The following PPP1R9A variants were observed in gnomAD, a reference collection of about 807,000 sequenced individuals.
PPP1R9A encodes protein phosphatase 1 regulatory subunit 9A.
In PPP1R9A, 59 loss-of-function variants were observed where a neutral mutation model predicts 141.9. That is an observed-to-expected ratio of 0.42 (90% CI 0.34 to 0.52). The LOEUF (loss-of-function observed/expected upper bound fraction) is 0.52. PPP1R9A is among the 20% of genes least tolerant of loss of function. The probability of loss-of-function intolerance (pLI) is 0.10; values close to 1 mark genes in which losing one functional copy is unlikely to be tolerated. For synonymous variants in PPP1R9A, 500 were observed against 569.7 expected, an observed-to-expected ratio of 0.88 and a Z score of 1.74; for missense variants, 1,444 against 1,611.9, an observed-to-expected ratio of 0.90 and a Z score of 1.78.
At chr7:94,944,503 T>G (rs1188481077) in intron 2 of PPP1R9A, among the ~76,000 whole-genome samples, 1 of 130,436 alleles carries the variant, frequency 7.7e-6, no homozygotes, top group Non-Finnish European at 1.5e-5. Flanking sequence ...GGGAAGTGAG[T>G]CATCGTTCTT....
intron 4 of PPP1R9A, among the ~76,000 whole-genome samples, chr7:95,144,181 G>A (rs1003701473): frequency 6.6e-6 from 1 of 151,882 alleles, no homozygotes; most frequent in African/African-American, 2.4e-5. Flanking sequence ...CTGATAACCA[G>A]CCTTCTACTC....
intron 4 of PPP1R9A, among the ~76,000 whole-genome samples, chr7:95,150,627 C>T (rs946941640): frequency 1.3e-5 from 2 of 152,092 alleles, no homozygotes; most frequent in Non-Finnish European, 2.9e-5. Flanking sequence ...GAAACAACAC[C>T]AAAGGCATAA....
intron 4 of PPP1R9A, among the ~76,000 whole-genome samples, chr7:95,134,591 A>G (rs1294851794): frequency 1.3e-5 from 2 of 152,040 alleles, no homozygotes; most frequent in African/African-American, 2.4e-5. Context: ...ATGTACCACT[A>G]CGCCCAGCTA....
At chr7:94,970,110 A>G (rs1174752166) in intron 2 of PPP1R9A, among the ~76,000 whole-genome samples, 1 of 152,150 alleles carries the variant, frequency 6.6e-6, no homozygotes, top group Non-Finnish European at 1.5e-5. Context: ...CCACTGAGCT[A>G]GACTGCTTGG....
At chr7:95,010,951 A>G (rs1223481780) in intron 2 of PPP1R9A, among the ~76,000 whole-genome samples, 1 of 152,188 alleles carries the variant, frequency 6.6e-6, no homozygotes, top group East Asian at 1.9e-4. Flanking sequence ...GCACGTAGAA[A>G]GTAGGTAAAA....
chr7:95,198,606 A>G, intron 6 of PPP1R9A, 122 bp downstream of exon 6: 1 of 1,167,696 alleles, frequency 8.6e-7, no homozygotes, highest in Non-Finnish European at 1.2e-6. Context: ...ACATTGAACT[A>G]AAATTCTACC....
chr7:95,140,670 C>T (rs368907947), intron 4 of PPP1R9A, among the ~76,000 whole-genome samples: 5 of 152,282 alleles, frequency 3.3e-5, no homozygotes, highest in African/African-American at 1.2e-4. Context: ...GGATTACCGG[C>T]ATGACCCACC....
At chr7:95,249,921 A>G in intron 9 of PPP1R9A, 105 bp from the exon 10 acceptor site, 1 of 1,404,634 alleles carries the variant, frequency 7.1e-7, no homozygotes, top group South Asian at 1.6e-5. Context: ...GGATTCAGTG[A>G]TTGTTTATGA....
intron 2 of PPP1R9A, among the ~76,000 whole-genome samples, chr7:95,054,417 G>A (rs1227704468): frequency 6.6e-6 from 1 of 151,984 alleles, no homozygotes; most frequent in Non-Finnish European, 1.5e-5. Flanking sequence ...GAGCCACCAT[G>A]CCTGGCTTTT....
At chr7:95,000,001 C>T (rs1412568260) in intron 2 of PPP1R9A, among the ~76,000 whole-genome samples, 1 of 151,964 alleles carries the variant, frequency 6.6e-6, no homozygotes, top group African/African-American at 2.4e-5. Flanking sequence ...TAGGGTTTCA[C>T]CATGTTGACT....
At chr7:95,131,932 T>C (rs1193917983) in intron 4 of PPP1R9A, among the ~76,000 whole-genome samples, 1 of 152,174 alleles carries the variant, frequency 6.6e-6, no homozygotes, top group Non-Finnish European at 1.5e-5. Context: ...TTCCTAGGTA[T>C]TTCATTTTGT....
At chr7:95,181,831 A>G (rs905844076) in intron 5 of PPP1R9A, among the ~76,000 whole-genome samples, 2 of 148,188 alleles carry the variant, frequency 1.3e-5, no homozygotes, top group Non-Finnish European at 3.0e-5. Flanking sequence ...TACATATATG[A>G]TAGAATACTA....
chr7:95,180,558 A>C (rs924545809), intron 5 of PPP1R9A, among the ~76,000 whole-genome samples: 1 of 152,194 alleles, frequency 6.6e-6, no homozygotes, highest in African/African-American at 2.4e-5. Flanking sequence ...GATTTTGCAC[A>C]GCCAAAGTCA....
intron 16 of PPP1R9A, among the ~76,000 whole-genome samples, chr7:95,274,701 G>A (rs1172748935): frequency 1.3e-5 from 2 of 152,114 alleles, no homozygotes; most frequent in African/African-American, 4.8e-5. Context: ...CCCATAAAGA[G>A]CGAGCTTTGA....
intron 2 of PPP1R9A, among the ~76,000 whole-genome samples, chr7:94,940,616 G>A (rs773101476): frequency 2.6e-5 from 4 of 151,876 alleles, no homozygotes; most frequent in Non-Finnish European, 5.9e-5. Context: ...AGCCTCTAGA[G>A]TTCTTAAAAA....
At chr7:95,102,017 A>T (rs566691891) in intron 2 of PPP1R9A, among the ~76,000 whole-genome samples, 17 of 151,996 alleles carry the variant, frequency 1.1e-4, no homozygotes, top group Non-Finnish European at 2.1e-4. Flanking sequence ...TAGCTTATGG[A>T]TATTATCTTT....
rs1413793726 is a variant in PPP1R9A, at chr7:95,091,256, C to T, written c.1396-20003C>T. Reference sequence around the variant, plus strand: ...ATACTAAAGTTTTCAATATTTTTGTCCCCCAGAAAGTTATGCCTGTTAAAA... The same window carrying T: ...ATACTAAAGTTTTCAATATTTTTGTTCCCCAGAAAGTTATGCCTGTTAAAA... On this transcript the variant is annotated intron_variant, in intron 2 of 19. Coordinates refer to ENST00000433360, the MANE Select transcript of PPP1R9A (RefSeq NM_001166160.2). Among the ~76,000 whole-genome samples the T allele has an allele frequency of 3.3e-5, 5 of 151,316 alleles. No homozygotes were observed. In the South Asian group the frequency reaches 6.2e-4, roughly 19 times the overall value.
At chr7:95,161,486 C>G (rs1266310158) in intron 4 of PPP1R9A, among the ~76,000 whole-genome samples, 1 of 152,154 alleles carries the variant, frequency 6.6e-6, no homozygotes, top group Non-Finnish European at 1.5e-5. Context: ...TGCCGATGCT[C>G]AAGTCTCTTA....
chr7:95,048,521 G>A (rs569394502), intron 2 of PPP1R9A, among the ~76,000 whole-genome samples: 19 of 149,588 alleles, frequency 1.3e-4, no homozygotes, highest in African/African-American at 4.2e-4. Flanking sequence ...CCATGACAGC[G>A]TTTTGTTGTT....
Sources: gnomAD v4.1 joint callset for allele counts (sites outside exome capture counted in the v4.1 genomes callset) on GRCh38, gnomAD v4.1.1 for gene constraint, MANE v1.5 for transcripts, NCBI Gene and HGNC (gene_info 2026-07-23, HGNC 2026-07-21) for gene names.